Variants in FHIT observed in about 807,000 individuals in gnomAD.
The protein encoded by FHIT is bis(5'-adenosyl)-triphosphatase.
FHIT carries 19 observed loss-of-function variants against 17.9 expected under a neutral mutation model. The ratio of observed to expected loss-of-function variants is 1.06; its 90% CI spans 0.74 to 1.56. The LOEUF (loss-of-function observed/expected upper bound fraction) is 1.56, where lower values mean the gene tolerates loss of function less well. Among genes scored for constraint, FHIT ranks in the 40% most tolerant of loss-of-function variants. The pLI is 0.00. For synonymous variants in FHIT, 81 were observed against 69.7 expected (o/e 1.16, Z -0.81); for missense variants, 248 against 189.2 (o/e 1.31, Z -1.82).
chr3:61,073,759 G>A (rs9881064), intron 2 of FHIT, among the ~76,000 whole-genome samples: 2,119 of 152,162 alleles, frequency 0.014, 49 homozygotes, highest in African/African-American at 0.047. Flanking sequence ...GTCATCTTGC[G>A]GCATTTCCAG....
At chr3:59,986,536 T>TAC (rs1337684679) in intron 7 of FHIT, among the ~76,000 whole-genome samples, 8 of 11,560 alleles carry the variant, frequency 6.9e-4, no homozygotes, top group African/African-American at 3.8e-3. Flanking sequence ...TATATATATA[T>TAC]ATATACACAC....
chr3:60,320,469 G>A (rs1044249543), intron 5 of FHIT, among the ~76,000 whole-genome samples: 1 of 152,116 alleles, frequency 6.6e-6, no homozygotes, highest in Non-Finnish European at 1.5e-5. Context: ...AATCATAAAC[G>A]ATGGCTAATA....
intron 5 of FHIT, among the ~76,000 whole-genome samples, chr3:60,097,664 CTTTT>C (rs1326547949): frequency 6.6e-6 from 1 of 151,582 alleles, no homozygotes; most frequent in African/African-American, 2.4e-5. Flanking sequence ...TTCTGATTTT[CTTTT>C]TTTAATCTTT....
At chr3:60,535,200 G>C (rs1215378679) in intron 5 of FHIT, among the ~76,000 whole-genome samples, 1 of 152,052 alleles carries the variant, frequency 6.6e-6, no homozygotes, top group Non-Finnish European at 1.5e-5. Flanking sequence ...ACTTAGCCTG[G>C]GCTACAGAGT....
At chr3:59,890,448 A>G (rs922460265) in intron 8 of FHIT, among the ~76,000 whole-genome samples, 4 of 152,160 alleles carry the variant, frequency 2.6e-5, no homozygotes, top group African/African-American at 9.7e-5. Context: ...TGAGGGCTTC[A>G]AGGAAAGGCT....
chr3:61,174,718 T>A (rs1458735149), intron 2 of FHIT, among the ~76,000 whole-genome samples: 1 of 152,244 alleles, frequency 6.6e-6, no homozygotes, highest in African/African-American at 2.4e-5. Flanking sequence ...TTCAGCAGAT[T>A]ATTTGTACAC....
intron 4 of FHIT, among the ~76,000 whole-genome samples, chr3:60,770,765 C>A (rs562306435): frequency 6.6e-6 from 1 of 152,206 alleles, no homozygotes; most frequent in Non-Finnish European, 1.5e-5. Context: ...ACCAGTTCTG[C>A]AACATAGTTT....
chr3:61,124,595 G>A (rs1345913341), intron 2 of FHIT, among the ~76,000 whole-genome samples: 2 of 152,136 alleles, frequency 1.3e-5, no homozygotes, highest in African/African-American at 4.8e-5. Flanking sequence ...GTACAAGCTA[G>A]CTCCAAAAAT....
At chr3:60,203,090 A>G (rs910616615) in intron 5 of FHIT, among the ~76,000 whole-genome samples, 2 of 152,186 alleles carry the variant, frequency 1.3e-5, no homozygotes, top group African/African-American at 4.8e-5. Flanking sequence ...TGTGGATTGT[A>G]CCAATGTTAA....
intron 8 of FHIT, among the ~76,000 whole-genome samples, chr3:59,835,913 G>A (rs1463105813): frequency 6.6e-6 from 1 of 152,138 alleles, no homozygotes; most frequent in African/African-American, 2.4e-5. Flanking sequence ...GGGAGCCCTA[G>A]TCGCTTAAGA....
intron 4 of FHIT, among the ~76,000 whole-genome samples, chr3:60,686,455 T>C (rs1236089638): frequency 6.6e-6 from 1 of 152,166 alleles, no homozygotes; most frequent in African/African-American, 2.4e-5. Flanking sequence ...TGACCCATTC[T>C]CTATCACCTT....
intron 4 of FHIT, among the ~76,000 whole-genome samples, chr3:60,623,073 C>T (rs554624327): frequency 6.6e-6 from 1 of 152,176 alleles, no homozygotes; most frequent in Non-Finnish European, 1.5e-5. Context: ...GAGATTTTTG[C>T]CTGTCTTGTT....
chr3:60,161,547 T>C (rs1346066039), intron 5 of FHIT, among the ~76,000 whole-genome samples: 1 of 152,126 alleles, frequency 6.6e-6, no homozygotes, highest in South Asian at 2.1e-4. Flanking sequence ...AAGAAGACAC[T>C]TTCAAGGGCA....
At chr3:59,907,080 T>C (rs993607073) in intron 8 of FHIT, among the ~76,000 whole-genome samples, 1 of 152,178 alleles carries the variant, frequency 6.6e-6, no homozygotes, top group Non-Finnish European at 1.5e-5. Context: ...ACCTCTCAGT[T>C]TGAAGGGAAA....
chr3:61,174,544 C>T (rs1246877500), intron 2 of FHIT, among the ~76,000 whole-genome samples: 3 of 152,140 alleles, frequency 2.0e-5, no homozygotes, highest in Non-Finnish European at 4.4e-5. Flanking sequence ...CTCATGATTC[C>T]ATCTTTATGG....
intron 2 of FHIT, among the ~76,000 whole-genome samples, chr3:61,117,876 T>C (rs1442295437): frequency 6.6e-6 from 1 of 152,212 alleles, no homozygotes; most frequent in Non-Finnish European, 1.5e-5. Flanking sequence ...AGTGAGAAGA[T>C]ACTATAATAT....
chr3:60,351,312 T>C (rs1699384129), intron 5 of FHIT, among the ~76,000 whole-genome samples: 1 of 152,138 alleles, frequency 6.6e-6, no homozygotes, highest in African/African-American at 2.4e-5. Context: ...AAGGAAGCAA[T>C]ACATTGAATT....
chr3:60,175,794 A>C (rs1480940170), intron 5 of FHIT, among the ~76,000 whole-genome samples: 2 of 152,156 alleles, frequency 1.3e-5, no homozygotes, highest in African/African-American at 4.8e-5. Context: ...ACTCAATGCT[A>C]TTAACAGCAT....
At chr3:60,451,051 G>A (rs1023659817) in intron 5 of FHIT, among the ~76,000 whole-genome samples, 1 of 152,050 alleles carries the variant, frequency 6.6e-6, no homozygotes, top group Non-Finnish European at 1.5e-5. Context: ...TTGGGCCAAC[G>A]AAGAAGGCAA....
Sources: gnomAD v4.1 joint callset for allele counts (sites outside exome capture counted in the v4.1 genomes callset) on GRCh38, gnomAD v4.1.1 for gene constraint, MANE v1.5 for transcripts, NCBI Gene and HGNC (gene_info 2026-07-23, HGNC 2026-07-21) for gene names.